BRDT: variants seen among roughly 807,000 people sequenced by gnomAD.
The protein encoded by BRDT is bromodomain testis-specific protein.
A neutral mutation model predicts 113.9 loss-of-function variants in BRDT; 77 were observed. The observed-to-expected ratio is 0.68, with a 90% CI of 0.56 to 0.82. The LOEUF (loss-of-function observed/expected upper bound fraction) is 0.82, where lower values mean the gene tolerates loss of function less well. Among genes scored for constraint, BRDT ranks in the 40% least tolerant of loss-of-function variants. The pLI is 0.00. For missense variants in BRDT, 1,027 were observed against 1,105.4 expected (o/e 0.93, Z 1.01); for synonymous variants, 358 against 366.5 (o/e 0.98, Z 0.26).
At chr1:91,975,852 T>C (rs980225897) in intron 4 of BRDT, among the ~76,000 whole-genome samples, 1 of 152,228 alleles carries the variant, frequency 6.6e-6, no homozygotes, top group Non-Finnish European at 1.5e-5. Context: ...TCACATCTTT[T>C]GTTCTGTGAT....
chr1:91,967,972 C>T (rs928441011), intron 3 of BRDT, among the ~76,000 whole-genome samples, 174 bp from the exon 4 acceptor site: 1 of 152,130 alleles, frequency 6.6e-6, no homozygotes, highest in Admixed American at 6.5e-5. Flanking sequence ...TGCTTTCAAC[C>T]ATAGAGAATA....
At chr1:91,992,451 GA>G (rs1347350987) in intron 14 of BRDT, 137 bp downstream of exon 14, 24 of 593,008 alleles carry the variant, frequency 4.0e-5, no homozygotes, top group Admixed American at 8.2e-5. Flanking sequence ...TATATTCAGA[GA>G]AATATGGAAG....
chr1:91,987,490 T>C (rs1685360039), intron 12 of BRDT, among the ~76,000 whole-genome samples: 1 of 151,202 alleles, frequency 6.6e-6, no homozygotes, highest in Non-Finnish European at 1.5e-5. Context: ...CACACCACCA[T>C]CCCCGGCTAA....
At chr1:91,962,242 A>C (rs1490409103) in intron 1 of BRDT, among the ~76,000 whole-genome samples, 1 of 142,588 alleles carries the variant, frequency 7.0e-6, no homozygotes, top group Non-Finnish European at 1.5e-5. Context: ...GTATATAAAA[A>C]ATTTGTATTT....
intron 14 of BRDT, 87 bp from the exon 15 acceptor site, chr1:91,993,996 A>G (rs1416207079): frequency 9.3e-7 from 1 of 1,075,738 alleles, no homozygotes; most frequent in Admixed American, 2.9e-5. Flanking sequence ...GCATTAAATT[A>G]TATTCTTGAC....
intron 12 of BRDT, among the ~76,000 whole-genome samples, chr1:91,983,917 A>G (rs1201732791): frequency 1.3e-5 from 2 of 151,986 alleles, no homozygotes; most frequent in Admixed American, 6.6e-5. Context: ...CCTGACCTCA[A>G]GTAATTCTCC....
In BRDT at chr1:92,013,546, A is replaced by G. The variant is rs566027400; in HGVS notation, c.2776-660A>G. Reference sequence around the variant, plus strand: ...TCATCTCAGATGCTAAAGAATATCTATAAGGGCAGTTAGAAAAGGCTTCAG... The same window carrying G: ...TCATCTCAGATGCTAAAGAATATCTGTAAGGGCAGTTAGAAAAGGCTTCAG... On this transcript the variant is annotated intron_variant, in intron 18 of 18. Coordinates refer to ENST00000399546, the MANE Select transcript of BRDT (RefSeq NM_207189.4). Among the ~76,000 whole-genome samples, 361 of 152,332 alleles carry G rather than the reference A, an allele frequency of 2.4e-3. 2 individuals carry two copies. Among genetic ancestry groups the G allele is most frequent in the African/African-American group, 8.5e-3 (353 of 41,576 alleles).
intron 12 of BRDT, among the ~76,000 whole-genome samples, chr1:91,988,066 C>G (rs1685425143): frequency 6.6e-6 from 1 of 152,024 alleles, no homozygotes; most frequent in Non-Finnish European, 1.5e-5. Flanking sequence ...ACAGGCTGGT[C>G]TGGAACTCCT....
chr1:91,995,201 G>T (rs1209685099), intron 15 of BRDT, among the ~76,000 whole-genome samples: 1 of 152,044 alleles, frequency 6.6e-6, no homozygotes, highest in East Asian at 1.9e-4. Context: ...TTTAGGCCTA[G>T]GTTAAGGGCA....
intron 18 of BRDT, 63 bp from the exon 19 acceptor site, chr1:92,014,143 G>A (rs928710474): frequency 2.8e-6 from 3 of 1,053,504 alleles, no homozygotes; most frequent in Non-Finnish European, 4.2e-6. Context: ...AATCATTATT[G>A]TATAGTTGTA....
rs745633957 is a variant in BRDT at position 91,977,355 on chromosome 1, G to A, written c.931G>A (p.Asp311Asn). 4 of 1,597,308 alleles carry A rather than the reference G, an allele frequency of 2.5e-6. No individual in the cohort carries two copies. The highest frequency in any genetic ancestry group is 2.2e-5 in the East Asian group (1 of 44,652). The part of the protein sequence containing the change: ...VNALGLHNYY[D>N]VVKNPMDLGT... ...TGCTTTGGGACTCCATAACTACTAT[G>A]ACGTTGTCAAAAATCCGATGGATCT... The change falls in exon 6 of 19, where the codon GAC (aspartate) becomes AAC (asparagine). Residue 311 changes from aspartate to asparagine, a missense_variant. Transcript: ENST00000399546.
intron 1 of BRDT, among the ~76,000 whole-genome samples, chr1:91,955,609 CA>C (rs1315396970): frequency 6.6e-6 from 1 of 152,036 alleles, no homozygotes; most frequent in Non-Finnish European, 1.5e-5. Flanking sequence ...TAGAAATTTG[CA>C]AAGTATCATA....
intron 4 of BRDT, among the ~76,000 whole-genome samples, chr1:91,971,045 T>C (rs1203449000): frequency 6.6e-6 from 1 of 152,060 alleles, no homozygotes; most frequent in Admixed American, 6.6e-5. Flanking sequence ...CTTCTGGGCC[T>C]CAGGAAGCTT....
At chr1:91,953,061 C>T (rs937176845) in intron 1 of BRDT, among the ~76,000 whole-genome samples, 3 of 151,992 alleles carry the variant, frequency 2.0e-5, no homozygotes, top group African/African-American at 7.2e-5. Flanking sequence ...ATTAACTCAT[C>T]ATTTACATTA....
intron 12 of BRDT, among the ~76,000 whole-genome samples, chr1:91,987,881 G>A (rs1056358283): frequency 2.6e-5 from 4 of 151,212 alleles, no homozygotes; most frequent in Non-Finnish European, 4.4e-5. Flanking sequence ...ACAGAGTCTC[G>A]CAGTTTCACC....
At chr1:91,965,530 T>C (rs1009984251) in intron 3 of BRDT, among the ~76,000 whole-genome samples, 1 of 152,150 alleles carries the variant, frequency 6.6e-6, no homozygotes, top group African/African-American at 2.4e-5. Context: ...TGCCTACTTC[T>C]AAACTTCACA....
Position 92,005,223 on chromosome 1 carries a change from A to G in BRDT, c.2699A>G (p.Asp900Gly), listed in dbSNP as rs767485790. ...CATCAGCAGTCATCAGAAGCTCAAG[A>G]TAAATCCAAACTCTGGCTTCTCAAA... Reference protein sequence around the residue: ...KEHQQSSEAQDKSKLWLLKDR... With the variant: ...KEHQQSSEAQGKSKLWLLKDR... Residue 900 changes from aspartate (D) to glycine (G), a missense_variant, in exon 18 of 19, where the codon GAT becomes GGT. Physicochemically the swap from Asp to Gly is moderately conservative, Grantham distance 94 (BLOSUM62 -1). Coordinates refer to ENST00000399546, the MANE Select transcript of BRDT (RefSeq NM_207189.4). 1 of 1,594,620 alleles carries G rather than the reference A, an allele frequency of 6.3e-7. No homozygotes were observed. Among genetic ancestry groups the G allele is most frequent in the African/African-American group, 1.4e-5 (1 of 73,806 alleles).
At chr1:91,972,875 T>G (rs1294703565) in intron 4 of BRDT, among the ~76,000 whole-genome samples, 1 of 152,208 alleles carries the variant, frequency 6.6e-6, no homozygotes. Context: ...TCAAATTTAC[T>G]TAGTTCCTGA....
intron 18 of BRDT, among the ~76,000 whole-genome samples, chr1:92,013,217 C>CAAA (rs11396195): frequency 9.7e-5 from 13 of 134,000 alleles, no homozygotes; most frequent in South Asian, 2.3e-4. Context: ...CACAATGTTT[C>CAAA]AAAAAAAAAA....
Sources: gnomAD v4.1 joint callset for allele counts (sites outside exome capture counted in the v4.1 genomes callset) on GRCh38, gnomAD v4.1.1 for gene constraint, MANE v1.5 for transcripts, NCBI Gene and HGNC (gene_info 2026-07-23, HGNC 2026-07-21) for gene names.